GSE1: variants seen among roughly 807,000 people sequenced by gnomAD.
GSE1 encodes the protein genetic suppressor element 1.
GSE1 carries 32 observed loss-of-function variants against 112.6 expected under a neutral mutation model. The ratio of observed to expected loss-of-function variants is 0.28; its 90% CI spans 0.21 to 0.38. The LOEUF is 0.38. Ranked by LOEUF, GSE1 falls within the 10% of genes least tolerant of loss-of-function variation. The pLI, the probability that GSE1 is intolerant of heterozygous loss-of-function variation, is 1.00. For missense variants in GSE1, 2,348 were observed against 1,699.2 expected, an observed-to-expected ratio of 1.38 and a Z score of -6.71; for synonymous variants, 1,115 against 735.6, an observed-to-expected ratio of 1.52 and a Z score of -8.35.
At chr16:85,439,721 G>A (rs2049332594) in intron 2 of GSE1, among the ~76,000 whole-genome samples, 1 of 151,946 alleles carries the variant, frequency 6.6e-6, no homozygotes, top group Non-Finnish European at 1.5e-5. Context: ...GCACACACAG[G>A]TGCTCAGAGA....
At chr16:85,421,560 C>T (rs1237502406) in intron 2 of GSE1, among the ~76,000 whole-genome samples, 1 of 152,186 alleles carries the variant, frequency 6.6e-6, no homozygotes, top group African/African-American at 2.4e-5. Flanking sequence ...AGCTGCACAG[C>T]GATTTTCTGA....
At chr16:85,647,951 G>A (rs72801197) in intron 2 of GSE1, among the ~76,000 whole-genome samples, 25,933 of 151,946 alleles carry the variant, frequency 0.17, 2,698 homozygotes, top group Non-Finnish European at 0.24. Flanking sequence ...TGCTTGATGG[G>A]AGCCCCCGGA....
intron 1 of GSE1, among the ~76,000 whole-genome samples, chr16:85,618,175 T>C (rs553886606): frequency 5.9e-5 from 9 of 152,146 alleles, no homozygotes; most frequent in African/African-American, 2.2e-4. Context: ...GTGTGTGTAA[T>C]AGTGGCTTTG....
chr16:85,485,414 C>T (rs966060888), intron 2 of GSE1, among the ~76,000 whole-genome samples: 2 of 149,344 alleles, frequency 1.3e-5, no homozygotes, highest in South Asian at 4.1e-4. Flanking sequence ...TCCTCTTCCT[C>T]CCCTGTGCCT....
rs1163186736 is a variant in GSE1, at chr16:85,655,801, A to G, written c.873A>G (p.Pro291=). The change falls in exon 6 of 16, where the codon CCA becomes CCG. Residue 291 remains proline, a synonymous_variant. Transcript: ENST00000253458. ...TCCCCACCCCCGGCTCCCTGCCCCC[A>G]CTGCACCCATCAGCGATGCACCTGC... is the stretch of plus-strand genomic sequence containing the variant. ...YPIPTPGSLP[P]LHPSAMHLHL... 1 of 1,440,978 alleles carries G rather than the reference A, an allele frequency of 6.9e-7. No individual in the cohort carries two copies. Among genetic ancestry groups the G allele is most frequent in the Non-Finnish European group, 9.6e-7 (1 of 1,037,846 alleles). 89.3% of individuals were successfully genotyped at this position (1,440,978 alleles called of 1,614,324 possible). A position where few individuals can be genotyped will look rare whatever the true frequency, so the allele number is the denominator to read the frequency against.
At chr16:85,364,468 C>T (rs946147413) in intron 2 of GSE1, among the ~76,000 whole-genome samples, 1 of 152,230 alleles carries the variant, frequency 6.6e-6, no homozygotes, top group African/African-American at 2.4e-5. Context: ...CGTGCTTAGC[C>T]TGCAGCCACA....
At chr16:85,257,212 G>A (rs1352675005) in intron 1 of GSE1, among the ~76,000 whole-genome samples, 3 of 152,170 alleles carry the variant, frequency 2.0e-5, no homozygotes, top group African/African-American at 4.8e-5. Context: ...GGGTTCAAGC[G>A]ATTCGCCTGC....
chr16:85,586,609 A>G (rs980598935), intron 1 of GSE1, among the ~76,000 whole-genome samples: 3 of 152,108 alleles, frequency 2.0e-5, no homozygotes, highest in Non-Finnish European at 2.9e-5. Context: ...CTGCTCCTAC[A>G]ACGTGCTCAC....
intron 1 of GSE1, among the ~76,000 whole-genome samples, chr16:85,569,819 C>CCAGT (rs1242987128): frequency 1.1e-4 from 16 of 152,194 alleles, no homozygotes; most frequent in Admixed American, 1.0e-3. Context: ...GTGGGCTTTG[C>CCAGT]CAGTCTCTCC....
rs7202687 is a variant in GSE1 at position 85,311,845 on chromosome 16, G to A, written c.2284-45618G>A. 0.036 allele frequency among the ~76,000 whole-genome samples: 5,446 copies of A among 152,234 alleles called. 312 individuals are homozygous for A. The highest frequency in any genetic ancestry group is 0.12 in the African/African-American group (4,999 of 41,532). On this transcript the variant is annotated intron_variant, in intron 1 of 2. Coordinates refer to the GSE1 transcript ENST00000637419. This position sits in a 1 kb window ranked among gnomAD's most constrained non-coding sequence, Gnocchi z 4.2. ...CTGTCTGACCTGTGGCCCCAGCCGCGAGTCCTTCTCACCCCAGACCCCAGC... is the reference window on the plus strand; with the variant it reads ...CTGTCTGACCTGTGGCCCCAGCCGCAAGTCCTTCTCACCCCAGACCCCAGC...
intron 1 of GSE1, among the ~76,000 whole-genome samples, chr16:85,630,104 C>T (rs2049417459): frequency 1.3e-5 from 2 of 152,152 alleles, no homozygotes; most frequent in African/African-American, 4.8e-5. Context: ...GGCTGGAGGC[C>T]TTGGTTCTTT....
chr16:85,462,798 A>G (rs1421760572), intron 2 of GSE1, among the ~76,000 whole-genome samples: 1 of 114,476 alleles, frequency 8.7e-6, no homozygotes, highest in East Asian at 2.8e-4. Flanking sequence ...CGGTGCGTGA[A>G]GCCGGGGGCG....
intron 2 of GSE1, among the ~76,000 whole-genome samples, chr16:85,403,411 C>A (rs983898604): frequency 6.6e-6 from 1 of 152,178 alleles, no homozygotes; most frequent in Non-Finnish European, 1.5e-5. Flanking sequence ...CTGCCCCCAA[C>A]ACTGAGTGTT....
rs115291271 is a variant in GSE1 at position 85,664,296 on chromosome 16, C to G, written c.2644+682C>G. 2.9e-3 allele frequency among the ~76,000 whole-genome samples: 442 copies of G among 152,356 alleles called. 4 individuals are homozygous for G. Among genetic ancestry groups the G allele is most frequent in the African/African-American group, 9.0e-3 (374 of 41,586 alleles). On this transcript the variant is annotated intron_variant, in intron 11 of 15. Transcript: ENST00000253458. ...AGTCCTCGTGGGCCCCTGGCCTCCT[C>G]TCTGGGAGAAAGTCGAAGGAAAGCA... is the stretch of plus-strand genomic sequence containing the variant.
intron 2 of GSE1, among the ~76,000 whole-genome samples, chr16:85,411,446 TG>T (rs2048545000): frequency 2.1e-4 from 1 of 4,860 alleles, no homozygotes; most frequent in Admixed American, 1.9e-3. Context: ...AGGTCCCCCC[TG>T]GATAATCCTC....
intron 2 of GSE1, among the ~76,000 whole-genome samples, chr16:85,520,720 G>A (rs557766745): frequency 1.7e-3 from 257 of 152,120 alleles, no homozygotes; most frequent in African/African-American, 6.0e-3. Context: ...ACCGCGCCTA[G>A]CCCCTGCTCC....
intron 1 of GSE1, among the ~76,000 whole-genome samples, chr16:85,182,109 T>A (rs924826754): frequency 6.6e-6 from 1 of 152,252 alleles, no homozygotes; most frequent in East Asian, 1.9e-4. Context: ...ACACCAAGCA[T>A]GGGGGACGCA....
Position 85,460,892 on chromosome 16 carries a change from A to C in GSE1, c.2464+103249A>C, listed in dbSNP as rs2049951212. ...CCGTGAGAGTGGGCTGCAAATCAGG[A>C]CGTGAAGTCTGATGACAGATGGGAA... On this transcript the variant is annotated intron_variant, in intron 2 of 2. Coordinates refer to the GSE1 transcript ENST00000637419. Among the ~76,000 whole-genome samples, 3 of 152,216 alleles carry C rather than the reference A, an allele frequency of 2.0e-5. No individual in the cohort carries two copies. The South Asian group carries it at 6.2e-4, about 32-fold the overall frequency.
chr16:85,362,730 G>A (rs2047107629), intron 2 of GSE1, among the ~76,000 whole-genome samples: 1 of 152,178 alleles, frequency 6.6e-6, no homozygotes, highest in South Asian at 2.1e-4. Context: ...GGCCATTGGG[G>A]CTGCCGTGTG....
Sources: allele counts gnomAD v4.1 joint callset (sites outside exome capture counted in the v4.1 genomes callset), GRCh38; gene constraint gnomAD v4.1.1; non-coding constraint Gnocchi (gnomAD v3.1); transcripts MANE v1.5; gene names NCBI Gene and HGNC (gene_info 2026-07-23, HGNC 2026-07-21).